AMPH: variants seen among roughly 807,000 people sequenced by gnomAD.
AMPH encodes amphiphysin.
A neutral mutation model predicts 99.1 loss-of-function variants in AMPH; 49 were observed. The observed-to-expected ratio is 0.49, with a 90% CI of 0.39 to 0.63. The LOEUF (loss-of-function observed/expected upper bound fraction) is 0.63, where lower values mean the gene tolerates loss of function less well. Ranked by LOEUF, AMPH falls within the 20% of genes least tolerant of loss-of-function variation. The pLI is 0.00. For missense variants in AMPH, 759 were observed against 863.4 expected (o/e 0.88, Z 1.52); for synonymous variants, 314 against 317.3 (o/e 0.99, Z 0.11).
intron 1 of AMPH, 88 bp downstream of exon 1, chr7:38,631,195 C>T (rs888449667): frequency 3.3e-6 from 4 of 1,197,956 alleles, no homozygotes; most frequent in African/African-American, 1.6e-5. Flanking sequence ...CACCCCGAGG[C>T]TCGGGCCCCG....
At chr7:38,474,804 TGTAA>T (rs1788021750) in intron 7 of AMPH, among the ~76,000 whole-genome samples, 1 of 151,982 alleles carries the variant, frequency 6.6e-6, no homozygotes, top group African/African-American at 2.4e-5. Context: ...CAGAGTAACG[TGTAA>T]GTAAGAATAT....
intron 11 of AMPH, among the ~76,000 whole-genome samples, chr7:38,438,102 A>G (rs1239005643): frequency 1.3e-5 from 2 of 152,232 alleles, no homozygotes; most frequent in African/African-American, 4.8e-5. Context: ...GTAGGTAAAA[A>G]TTATATTTTT....
chr7:38,450,817 A>G (rs1251991034), intron 11 of AMPH, among the ~76,000 whole-genome samples: 2 of 152,194 alleles, frequency 1.3e-5, no homozygotes, highest in Non-Finnish European at 2.9e-5. Flanking sequence ...TCAGGGCCAT[A>G]ATCCTAAAGG....
At chr7:38,490,982 C>T in intron 5 of AMPH, 68 bp downstream of exon 5, 1 of 984,204 alleles carries the variant, frequency 1.0e-6, no homozygotes, top group East Asian at 2.5e-5. Flanking sequence ...TAATTCTTCT[C>T]TTGCCCATGT....
chr7:38,461,775 T>C lies in AMPH; in HGVS notation c.889-364A>G, dbSNP rs73692391. ...TCTCATTTTGGAAATAAATTAAAATTTCAAAACTAAAGCAGCTTTTCATTT... is the reference window on the plus strand; with the variant it reads ...TCTCATTTTGGAAATAAATTAAAATCTCAAAACTAAAGCAGCTTTTCATTT... On this transcript the variant is annotated intron_variant, in intron 10 of 20. Transcript: ENST00000356264. Among the ~76,000 whole-genome samples, 546 of 152,352 alleles carry C rather than the reference T, an allele frequency of 3.6e-3. 6 individuals carry two copies. Among genetic ancestry groups the C allele is most frequent in the African/African-American group, 0.012 (519 of 41,586 alleles).
At chr7:38,461,501 A>G (rs1787442152) in intron 10 of AMPH, 90 bp from the exon 11 acceptor site, 1 of 1,506,050 alleles carries the variant, frequency 6.6e-7, no homozygotes, top group African/African-American at 1.4e-5. Context: ...ACATGGACAG[A>G]TTGAGCTCTG....
intron 1 of AMPH, among the ~76,000 whole-genome samples, chr7:38,586,233 A>G (rs1584275080): frequency 6.6e-6 from 1 of 152,142 alleles, no homozygotes; most frequent in Middle Eastern, 3.4e-3. Flanking sequence ...AGTATAAAGA[A>G]CCCCCACAAA....
At chr7:38,416,825 A>T (rs901385689) in intron 17 of AMPH, among the ~76,000 whole-genome samples, 1 of 152,188 alleles carries the variant, frequency 6.6e-6, no homozygotes, top group African/African-American at 2.4e-5. Context: ...GATTCAGTCC[A>T]GCTTTAAGTA....
At chr7:38,599,617 G>A (rs538191625) in intron 1 of AMPH, among the ~76,000 whole-genome samples, 3 of 152,118 alleles carry the variant, frequency 2.0e-5, no homozygotes, top group East Asian at 1.9e-4. Context: ...ACTGCATTGC[G>A]GGGTTGGCAC....
intron 1 of AMPH, among the ~76,000 whole-genome samples, chr7:38,618,175 A>G (rs1458756982): frequency 6.6e-6 from 1 of 152,186 alleles, no homozygotes; most frequent in African/African-American, 2.4e-5. Flanking sequence ...AGACAGTATA[A>G]ATGCATTATT....
intron 11 of AMPH, among the ~76,000 whole-genome samples, chr7:38,460,841 T>G (rs1787410479): frequency 6.6e-6 from 1 of 152,162 alleles, no homozygotes; most frequent in African/African-American, 2.4e-5. Context: ...TATTTCAAAG[T>G]AGCTAGAAGA....
chr7:38,513,614 A>ACTTG (rs945259840), intron 2 of AMPH, among the ~76,000 whole-genome samples: 99 of 152,348 alleles, frequency 6.5e-4, no homozygotes, highest in African/African-American at 2.4e-3. Context: ...ACTTTTGTGC[A>ACTTG]CTAGACCACA....
At chr7:38,493,040 T>C (rs1788787261) in intron 4 of AMPH, among the ~76,000 whole-genome samples, 1 of 152,218 alleles carries the variant, frequency 6.6e-6, no homozygotes, top group Non-Finnish European at 1.5e-5. Flanking sequence ...TTTTGAAAGA[T>C]GTAAAGGAGC....
rs1230822639 is a variant in AMPH at position 38,549,106 on chromosome 7, T to C, written c.70-14095A>G. On this transcript the variant is annotated intron_variant, in intron 1 of 20. Coordinates refer to ENST00000356264, the MANE Select transcript of AMPH (RefSeq NM_001635.4). Reference sequence around the variant, plus strand: ...AGCAATGATTTAGGGGCTTTGTTTTTTGTTAAAAGGGAAGCCTTGCTGAGG... The same window carrying C: ...AGCAATGATTTAGGGGCTTTGTTTTCTGTTAAAAGGGAAGCCTTGCTGAGG... Among the ~76,000 whole-genome samples, 2 of 152,228 alleles carry C rather than the reference T, an allele frequency of 1.3e-5. 1 individual carries two copies. The highest frequency in any genetic ancestry group is 2.9e-5 in the Non-Finnish European group (2 of 68,032).
At chr7:38,393,880 T>G in intron 18 of AMPH, 125 bp downstream of exon 18, 1 of 819,400 alleles carries the variant, frequency 1.2e-6, no homozygotes, top group Non-Finnish European at 2.0e-6. Context: ...TGTTGTTTGG[T>G]GGAGTCACAA....
chr7:38,528,725 G>T (rs1321476677), intron 2 of AMPH, among the ~76,000 whole-genome samples: 1 of 151,260 alleles, frequency 6.6e-6, no homozygotes, highest in Admixed American at 6.6e-5. Flanking sequence ...CAGTTTCATT[G>T]ATTTCTGTTC....
At chr7:38,515,400 G>A (rs1041979973) in intron 2 of AMPH, among the ~76,000 whole-genome samples, 2 of 152,270 alleles carry the variant, frequency 1.3e-5, no homozygotes, top group African/African-American at 4.8e-5. Context: ...GTTTAAAAGT[G>A]TGTAGCACTT....
Position 38,503,711 on chromosome 7 carries a change from A to C in AMPH, c.151-7T>G. The stretch of plus-strand genomic sequence containing the variant: ...GAAGTCTGGTACCCTCTGCCTAAAA[A>C]ACACAAGCACAGATGCTAAATATCT... On this transcript the variant is annotated splice_polypyrimidine_tract_variant and splice_region_variant and intron_variant, in intron 2 of 20. Transcript: ENST00000356264. The C allele has an allele frequency of 6.2e-7, 1 of 1,613,904 alleles. No individual in the cohort carries two copies. The highest frequency in any genetic ancestry group is 1.1e-5 in the South Asian group (1 of 91,086).
rs780237235 is a variant in AMPH, at chr7:38,384,855, C to T, written c.2051G>A (p.Gly684Asp). 1.2e-6 allele frequency: 2 copies of T among 1,613,972 alleles called. No homozygotes were observed. Among genetic ancestry groups the T allele is most frequent in the South Asian group, 1.1e-5 (1 of 91,064 alleles). Residue 684 changes from glycine to aspartate, a missense_variant, in exon 21 of 21, where the codon GGC becomes GAC. This residue lies in a region of AMPH where 554 missense variants were observed against 575.6 expected (regional missense o/e 0.96). Coordinates refer to ENST00000356264, the MANE Select transcript of AMPH (RefSeq NM_001635.4). ...LQYRDLATYKGLFPENFTRRL... is the reference protein window; with the variant it reads ...LQYRDLATYKDLFPENFTRRL... The stretch of plus-strand genomic sequence containing the variant: ...TCGGGTGAAGTTCTCTGGAAAGAGG[C>T]CTTTGTAGGTGGCAAGGTCTCTGTA...
Sources: allele counts gnomAD v4.1 joint callset (sites outside exome capture counted in the v4.1 genomes callset), GRCh38; gene constraint gnomAD v4.1.1; regional missense constraint gnomAD v4.1.1; transcripts MANE v1.5; gene names NCBI Gene and HGNC (gene_info 2026-07-23, HGNC 2026-07-21).